Variants in PINX1 observed in about 807,000 individuals in gnomAD.
PINX1 encodes PIN2 (TERF1) interacting telomerase inhibitor 1.
Under a neutral mutation model 25.4 loss-of-function variants are expected in PINX1, and 34 were observed. The observed-to-expected ratio is 1.34, with a 90% CI of 1.02 to 1.78. The LOEUF (loss-of-function observed/expected upper bound fraction) is 1.78. Ranked by LOEUF, PINX1 falls within the 40% of genes most tolerant of loss-of-function variation. The probability of loss-of-function intolerance (pLI) is 0.00; values close to 1 mark genes in which losing one functional copy is unlikely to be tolerated. For synonymous variants in PINX1, 197 were observed against 147.7 expected (o/e 1.33, Z -2.42); for missense variants, 592 against 404.9 (o/e 1.46, Z -3.97).
At chr8:10,807,347 A>G (rs1159751627) in intron 6 of PINX1, among the ~76,000 whole-genome samples, 1 of 103,118 alleles carries the variant, frequency 9.7e-6, no homozygotes, top group African/African-American at 3.8e-5. Context: ...CCACCAAAGT[A>G]GAACAAAGAT....
intron 4 of PINX1, among the ~76,000 whole-genome samples, chr8:10,831,001 T>A (rs1685601404): frequency 6.6e-6 from 1 of 152,168 alleles, no homozygotes; most frequent in African/African-American, 2.4e-5. Flanking sequence ...CAAACCCACG[T>A]TCACTGCAGC....
chr8:10,821,936 CA>C (rs1797891913), intron 5 of PINX1: 1 of 152,160 alleles, frequency 6.6e-6, no homozygotes, highest in African/African-American at 2.4e-5. Flanking sequence ...CACACAGATT[CA>C]AAACAGATCT....
chr8:10,793,332 A>G (rs1026377495), intron 6 of PINX1, among the ~76,000 whole-genome samples: 16 of 152,260 alleles, frequency 1.1e-4, no homozygotes, highest in African/African-American at 3.6e-4. Context: ...AGTTTGCCCA[A>G]ATGTTTTCAC....
intron 6 of PINX1, among the ~76,000 whole-genome samples, chr8:10,774,675 A>G (rs1801333127): frequency 6.6e-6 from 1 of 152,264 alleles, no homozygotes; most frequent in South Asian, 2.1e-4. Context: ...ATGATTGTTT[A>G]TAAAAGAAAG....
intron 6 of PINX1, among the ~76,000 whole-genome samples, chr8:10,771,619 C>A (rs1269478945): frequency 6.6e-6 from 1 of 152,204 alleles, no homozygotes; most frequent in Non-Finnish European, 1.5e-5. Context: ...TCAACAAAGG[C>A]ACAAAGACAC....
chr8:10,836,460 G>C (rs1798409735), intron 1 of PINX1, among the ~76,000 whole-genome samples: 1 of 152,236 alleles, frequency 6.6e-6, no homozygotes, highest in Non-Finnish European at 1.5e-5. Context: ...TCTATGCAGT[G>C]CTTGCCAGGG....
chr8:10,831,111 C>G (rs1338458155), intron 4 of PINX1, among the ~76,000 whole-genome samples: 1 of 152,194 alleles, frequency 6.6e-6, no homozygotes, highest in Non-Finnish European at 1.5e-5. Context: ...ACTATTTACC[C>G]TTACGAAAGA....
At chr8:10,799,004 C>T (rs1002373819) in intron 6 of PINX1, among the ~76,000 whole-genome samples, 2 of 152,178 alleles carry the variant, frequency 1.3e-5, no homozygotes, top group Middle Eastern at 3.2e-3. Context: ...AGTTTGTACT[C>T]ACGTACACTT....
intron 2 of PINX1, 57 bp downstream of exon 2, chr8:10,834,609 C>G: frequency 6.3e-7 from 1 of 1,580,032 alleles, no homozygotes; most frequent in Non-Finnish European, 8.6e-7. Flanking sequence ...GAAGTTTTCC[C>G]CTAATTTCTA....
intron 6 of PINX1, among the ~76,000 whole-genome samples, chr8:10,779,965 A>C (rs1801530806): frequency 6.6e-6 from 1 of 152,192 alleles, no homozygotes; most frequent in Non-Finnish European, 1.5e-5. Context: ...GGAAACTCTT[A>C]CACTAGATTG....
intron 6 of PINX1, among the ~76,000 whole-genome samples, chr8:10,810,890 C>T (rs757902129): frequency 1.3e-5 from 2 of 152,222 alleles, no homozygotes; most frequent in East Asian, 1.9e-4. Context: ...TTGAGAAGGA[C>T]GTGCTTCTCA....
At chr8:10,786,261 G>C (rs1200076557) in intron 6 of PINX1, among the ~76,000 whole-genome samples, 6 of 152,202 alleles carry the variant, frequency 3.9e-5, no homozygotes, top group African/African-American at 7.2e-5. Context: ...ATCAGAGTTA[G>C]GTCTATAAAC....
chr8:10,807,138 A>G (rs1219970218), intron 6 of PINX1, among the ~76,000 whole-genome samples: 2 of 152,186 alleles, frequency 1.3e-5, no homozygotes, highest in African/African-American at 4.8e-5. Flanking sequence ...CAATCTGCGA[A>G]TGTGTGAAAA....
At chr8:10,825,578 T>C (rs557089981) in intron 5 of PINX1, 9 of 410,922 alleles carry the variant, frequency 2.2e-5, no homozygotes, top group African/African-American at 1.7e-4. Flanking sequence ...GCTAGGGAGG[T>C]GGTGATGAAG....
intron 6 of PINX1, among the ~76,000 whole-genome samples, chr8:10,796,128 G>A (rs947965045): frequency 2.0e-5 from 3 of 152,158 alleles, no homozygotes; most frequent in African/African-American, 7.2e-5. Context: ...TCTGAAAAGC[G>A]CAGATAATGA....
At chr8:10,770,195 T>C (rs959770110) in intron 6 of PINX1, among the ~76,000 whole-genome samples, 1 of 152,234 alleles carries the variant, frequency 6.6e-6, no homozygotes, top group Non-Finnish European at 1.5e-5. Flanking sequence ...ACCTGGACAC[T>C]GCCAATATGG....
chr8:10,829,285 CAAA>C (rs57684473), intron 4 of PINX1, among the ~76,000 whole-genome samples: 2,095 of 90,458 alleles, frequency 0.023, 19 homozygotes, highest in Middle Eastern at 0.073. Context: ...GACTCCATCT[CAAA>C]AAAAAAAAAA....
At chr8:10,765,997 G>A (rs1801030722) in intron 6 of PINX1, 81 bp from the exon 7 acceptor site, 4 of 1,407,600 alleles carry the variant, frequency 2.8e-6, no homozygotes, top group Non-Finnish European at 1.9e-6. Flanking sequence ...CCCACACCCG[G>A]CGCTCACACC....
intron 6 of PINX1, among the ~76,000 whole-genome samples, chr8:10,798,036 G>GA (rs1315320064): frequency 6.6e-6 from 1 of 152,216 alleles, no homozygotes; most frequent in African/African-American, 2.4e-5. Context: ...GACTTTTCAG[G>GA]AGTAACAGCT....
Sources: gnomAD v4.1 joint callset for allele counts (sites outside exome capture counted in the v4.1 genomes callset) on GRCh38, gnomAD v4.1.1 for gene constraint, MANE v1.5 for transcripts, NCBI Gene and HGNC (gene_info 2026-07-23, HGNC 2026-07-21) for gene names.